MICAL3: variants seen among roughly 807,000 people sequenced by gnomAD.
MICAL3 encodes [F-actin]-monooxygenase MICAL3.
MICAL3 carries 62 observed loss-of-function variants against 207.4 expected under a neutral mutation model. That is an observed-to-expected ratio of 0.30 (90% confidence interval 0.24 to 0.37). The LOEUF (loss-of-function observed/expected upper bound fraction) is 0.37, where lower values mean the gene tolerates loss of function less well. Ranked by LOEUF, MICAL3 falls within the 10% of genes least tolerant of loss-of-function variation. The pLI is 1.00. For synonymous variants in MICAL3, 1,077 were observed against 1,069.3 expected (o/e 1.01, Z -0.14); for missense variants, 2,368 against 2,635.6 (o/e 0.90, Z 2.22).
intron 19 of MICAL3, among the ~76,000 whole-genome samples, chr22:17,847,672 A>G (rs985662840): frequency 3.9e-5 from 6 of 152,118 alleles, no homozygotes; most frequent in Non-Finnish European, 8.8e-5. Flanking sequence ...GATTGAAATG[A>G]CTCATCCATT....
chr22:17,822,983 C>T lies in MICAL3; in HGVS notation c.3271G>A (p.Gly1091Arg). The T allele has an allele frequency of 2.5e-6, 4 of 1,613,868 alleles. No individual in the cohort carries two copies. Among genetic ancestry groups the T allele is most frequent in the Non-Finnish European group, 3.4e-6 (4 of 1,179,794 alleles). ...TCAGCACCAGTGTCCCCTGGGTCCC[C>T]ATCCTCTGCTGCCTCCCCTTCTATC... ...AEIEGEAAED[G>R]DPGDTGAELD... Residue 1091 changes from glycine (G) to arginine (R), a missense_variant, in exon 23 of 32, where the codon GGG (glycine) becomes AGG (arginine). Gly to Arg is a moderately radical substitution (Grantham distance 125). Coordinates refer to ENST00000441493, the MANE Select transcript of MICAL3 (RefSeq NM_015241.3).
chr22:17,919,466 C>A, intron 1 of MICAL3, among the ~76,000 whole-genome samples: 1 of 152,340 alleles, frequency 6.6e-6, no homozygotes, highest in East Asian at 1.9e-4. Flanking sequence ...GGAACAGTCC[C>A]TGGACCACAA....
chr22:17,839,335 CA>C (rs1923751514), intron 20 of MICAL3, among the ~76,000 whole-genome samples: 1 of 138,268 alleles, frequency 7.2e-6, no homozygotes, highest in African/African-American at 2.9e-5. Context: ...TGGCTGACGG[CA>C]ACCTCTGCCT....
chr22:17,939,394 A>G (rs1350496575), intron 1 of MICAL3, among the ~76,000 whole-genome samples: 1 of 152,240 alleles, frequency 6.6e-6, no homozygotes, highest in African/African-American at 2.4e-5. Context: ...CAAGTCACAC[A>G]CCAGCTGAGG....
chr22:18,022,173 A>G (rs1159757921), intron 1 of MICAL3, among the ~76,000 whole-genome samples: 1 of 152,086 alleles, frequency 6.6e-6, no homozygotes, highest in Non-Finnish European at 1.5e-5. Flanking sequence ...TGGTAACTTT[A>G]GAAGGCAAGG....
intron 19 of MICAL3, chr22:17,858,439 T>C (rs969194273): frequency 4.1e-6 from 4 of 985,032 alleles, no homozygotes; most frequent in Admixed American, 1.2e-4. Flanking sequence ...TTTCAGGGCT[T>C]CGTGAAAGGG....
At chr22:17,947,178 C>T (rs942140538) in intron 1 of MICAL3, among the ~76,000 whole-genome samples, 1 of 152,234 alleles carries the variant, frequency 6.6e-6, no homozygotes, top group Non-Finnish European at 1.5e-5. Context: ...TTCTCCCAGG[C>T]CAGCCTACAG....
Position 17,799,557 on chromosome 22 carries a change from T to G in MICAL3, c.5651-8256A>C, listed in dbSNP as rs546227781. On this transcript the variant is annotated intron_variant, in intron 29 of 31. Coordinates refer to ENST00000441493, the MANE Select transcript of MICAL3 (RefSeq NM_015241.3). ...TGACTAAGAAGGCACTCGGCTATTC[T>G]GAGTCCCCAACCCAGGAAGCCTATT... Among the ~76,000 whole-genome samples the G allele has an allele frequency of 2.6e-5, 4 of 152,348 alleles. No individual in the cohort carries two copies. The South Asian group carries it at 8.3e-4, about 32-fold the overall frequency.
intron 1 of MICAL3, among the ~76,000 whole-genome samples, chr22:17,956,290 G>A (rs1047635574): frequency 1.3e-5 from 2 of 152,214 alleles, no homozygotes; most frequent in Non-Finnish European, 2.9e-5. Flanking sequence ...TGCAGAAAGG[G>A]GATGGGGAGA....
At chr22:18,002,710 C>T (rs1923120811) in intron 1 of MICAL3, among the ~76,000 whole-genome samples, 1 of 152,176 alleles carries the variant, frequency 6.6e-6, no homozygotes, top group South Asian at 2.1e-4. Flanking sequence ...GTACAACCCT[C>T]GGCCTCAGTT....
At chr22:17,806,151 A>G (rs2061987031) in intron 29 of MICAL3, among the ~76,000 whole-genome samples, 1 of 152,186 alleles carries the variant, frequency 6.6e-6, no homozygotes, top group African/African-American at 2.4e-5. Flanking sequence ...TCTGTGTGTA[A>G]GTGGCTGAAC....
At chr22:17,947,808 C>T (rs1223465829) in intron 1 of MICAL3, among the ~76,000 whole-genome samples, 1 of 152,190 alleles carries the variant, frequency 6.6e-6, no homozygotes, top group Non-Finnish European at 1.5e-5. Context: ...AAGTGATTCT[C>T]CCACTTCAGC....
intron 16 of MICAL3, among the ~76,000 whole-genome samples, chr22:17,881,516 G>A (rs938322040): frequency 7.2e-5 from 11 of 152,052 alleles, no homozygotes; most frequent in Non-Finnish European, 1.6e-4. Flanking sequence ...GGTGATCTGC[G>A]GGACTGGGGA....
intron 1 of MICAL3, among the ~76,000 whole-genome samples, chr22:17,927,331 T>A (rs1213511136): frequency 1.3e-5 from 2 of 152,192 alleles, no homozygotes; most frequent in Admixed American, 1.3e-4. Flanking sequence ...CATTCACCCA[T>A]CAATGGACAA....
chr22:17,914,345 A>G (rs1457922815), intron 1 of MICAL3, among the ~76,000 whole-genome samples: 1 of 152,154 alleles, frequency 6.6e-6, no homozygotes, highest in African/African-American at 2.4e-5. Flanking sequence ...CAGATAGAAG[A>G]TACTGAGTCG....
chr22:17,926,936 TATAAC>T (rs113221643), intron 1 of MICAL3, among the ~76,000 whole-genome samples: 6,852 of 152,320 alleles, frequency 0.045, 222 homozygotes, highest in African/African-American at 0.095. Context: ...TTAAGATATA[TATAAC>T]ATAAAAGTTG....
Position 17,896,804 on chromosome 22 carries a change from C to T in MICAL3, c.1126G>A (p.Ala376Thr). 6.2e-7 allele frequency: 1 copy of T among 1,614,104 alleles called. No individual in the cohort carries two copies. Among genetic ancestry groups the T allele is most frequent in the Non-Finnish European group, 8.5e-7 (1 of 1,180,050 alleles). Reference protein sequence around the residue: ...VAMFDFTCMYASENAALVREQ... With the variant: ...VAMFDFTCMYTSENAALVREQ... ...CGCACCAAGGCGGCGTTCTCGGAGG[C>T]ATACATACAAGTGAAGTCAAACATG... The change falls in exon 8 of 32, where the codon GCC (alanine) becomes ACC (threonine). Residue 376 changes from alanine (A) to threonine (T), a missense_variant. By Grantham distance (58) the Ala-to-Thr change is moderately conservative. Around this residue, in one of 4 missense-constraint regions of MICAL3, gnomAD observed 400 missense variants for 547.0 expected, o/e 0.73. Transcript: ENST00000441493.
chr22:18,020,731 C>A (rs1158435019), intron 1 of MICAL3, among the ~76,000 whole-genome samples: 1 of 150,400 alleles, frequency 6.6e-6, no homozygotes, highest in Non-Finnish European at 1.5e-5. Context: ...GCCTGGCCAA[C>A]ATGGTAACCC....
chr22:18,002,566 G>C (rs1923110030), intron 1 of MICAL3, among the ~76,000 whole-genome samples: 5 of 152,138 alleles, frequency 3.3e-5, no homozygotes, highest in Non-Finnish European at 7.4e-5. Flanking sequence ...CCAGGAGGCG[G>C]AGGTTGAACT....
Sources: allele counts gnomAD v4.1 joint callset (sites outside exome capture counted in the v4.1 genomes callset), GRCh38; gene constraint gnomAD v4.1.1; regional missense constraint gnomAD v4.1.1; transcripts MANE v1.5; gene names NCBI Gene and HGNC (gene_info 2026-07-23, HGNC 2026-07-21).